The following CLHC1 variants were observed in gnomAD, a reference collection of about 807,000 sequenced individuals.
CLHC1 encodes the protein clathrin heavy chain linker domain-containing protein 1.
A neutral mutation model predicts 69.5 loss-of-function variants in CLHC1; 72 were observed. The ratio of observed to expected loss-of-function variants is 1.04; its 90% CI spans 0.86 to 1.26. The LOEUF (loss-of-function observed/expected upper bound fraction) is 1.26. Among genes scored for constraint, CLHC1 ranks in the 50% most tolerant of loss-of-function variants. The pLI, the probability that CLHC1 is intolerant of heterozygous loss-of-function variation, is 0.00. For missense variants in CLHC1, 790 were observed against 679.3 expected (o/e 1.16, Z -1.81); for synonymous variants, 223 against 224.3 (o/e 0.99, Z 0.05).
At chr2:55,184,769 G>C (rs1444549028) in intron 9 of CLHC1, among the ~76,000 whole-genome samples, 1 of 151,952 alleles carries the variant, frequency 6.6e-6, no homozygotes, top group African/African-American at 2.4e-5. Context: ...GCCAGGTGTG[G>C]TGGCACCTGC....
chr2:55,202,768 G>A (rs964420296), intron 9 of CLHC1, among the ~76,000 whole-genome samples: 2 of 148,814 alleles, frequency 1.3e-5, no homozygotes, highest in African/African-American at 2.5e-5. Context: ...GCATGGTGGT[G>A]CACACCTGTT....
In CLHC1 at chr2:55,209,627, T is replaced by C. The variant is rs750906888; in HGVS notation, c.701+3A>G. 12 of 1,613,190 alleles carry C rather than the reference T, an allele frequency of 7.4e-6. No homozygotes were observed. Among genetic ancestry groups the C allele is most frequent in the East Asian group, 4.5e-5 (2 of 44,854 alleles). The stretch of plus-strand genomic sequence containing the variant: ...TTTAAAAACATATAATCAACTTCCA[T>C]ACCAAAACTGCAATTTTTTGTTCAG... On this transcript the variant is annotated splice_donor_region_variant and intron_variant, in intron 6 of 12. Coordinates refer to ENST00000401408, the MANE Select transcript of CLHC1 (RefSeq NM_152385.4).
chr2:55,231,527 G>T (rs143750154), intron 1 of CLHC1, among the ~76,000 whole-genome samples: 145 of 152,250 alleles, frequency 9.5e-4, no homozygotes, highest in African/African-American at 3.3e-3. Flanking sequence ...TAGAAAGGAG[G>T]AAAGACTGGA....
Position 55,216,832 on chromosome 2 carries a change from A to G in CLHC1, c.365+979T>C, listed in dbSNP as rs79092718. Among the ~76,000 whole-genome samples, 398 of 152,088 alleles carry G rather than the reference A, an allele frequency of 2.6e-3. 9 individuals are homozygous for G. In the East Asian group the frequency reaches 0.042, roughly 16 times the overall value. On this transcript the variant is annotated intron_variant, in intron 4 of 12. Coordinates refer to ENST00000401408, the MANE Select transcript of CLHC1 (RefSeq NM_152385.4). ...GCCACCCTGTGCGGACCCTCATTTT[A>G]TGATACAAAATGTGCTTTCAATTAT... is the stretch of plus-strand genomic sequence containing the variant.
chr2:55,222,234 C>T lies in CLHC1; in HGVS notation c.177+1G>A. ...TAATTGTCTTAAAAGCTTTATGATA[C>T]CTTATCAAAAACATTTCGGTATATG... On this transcript the variant is annotated splice_donor_variant, in intron 3 of 12. Transcript: ENST00000401408. LOFTEE classifies it high-confidence loss of function. 6.2e-7 allele frequency: 1 copy of T among 1,607,166 alleles called. No individual in the cohort carries two copies. The highest frequency in any genetic ancestry group is 8.5e-7 in the Non-Finnish European group (1 of 1,174,366).
intron 2 of CLHC1, among the ~76,000 whole-genome samples, chr2:55,226,711 A>G (rs1359707473): frequency 1.3e-5 from 2 of 152,230 alleles, no homozygotes; most frequent in African/African-American, 4.8e-5. Flanking sequence ...AGCTCACTGC[A>G]ACCTTCACTT....
rs1406642536 is a variant in CLHC1, at chr2:55,217,889, T to C, written c.287A>G (p.His96Arg). ...KKDRRTTFCL[H>R]GKLKGLAAEP... is the part of the protein sequence containing the mutation. Reference sequence around the variant, plus strand: ...TGCTGCCAAACCTTTAAGTTTTCCATGAAGACAAAATGTAGTTCTTCGGTC... The same window carrying C: ...TGCTGCCAAACCTTTAAGTTTTCCACGAAGACAAAATGTAGTTCTTCGGTC... The change falls in exon 4 of 13, where the codon CAT becomes CGT. Residue 96 changes from histidine to arginine, a missense_variant. Coordinates refer to ENST00000401408, the MANE Select transcript of CLHC1 (RefSeq NM_152385.4). 6 of 1,607,224 alleles carry C rather than the reference T, an allele frequency of 3.7e-6. No homozygotes were observed. Among genetic ancestry groups the C allele is most frequent in the African/African-American group, 1.3e-5 (1 of 74,470 alleles).
At chr2:55,183,489 G>A (rs1343932406) in intron 9 of CLHC1, among the ~76,000 whole-genome samples, 4 of 152,186 alleles carry the variant, frequency 2.6e-5, no homozygotes, top group Non-Finnish European at 5.9e-5. Context: ...ATAGATCAAA[G>A]CTTGGTAAAA....
chr2:55,224,342 C>G (rs1243760614), intron 2 of CLHC1: 2 of 456,166 alleles, frequency 4.4e-6, no homozygotes, highest in South Asian at 3.3e-5. Flanking sequence ...CACGCCTTGA[C>G]AGCTCCCTCC....
rs938978099 is a variant in CLHC1 at position 55,205,378 on chromosome 2, A to G, written c.1006+892T>C. ...AGAGAATCAACCTAAGTGTCCATCA[A>G]GGGATGATTGGATAAAGAAAATACA... is the stretch of plus-strand genomic sequence containing the variant. On this transcript the variant is annotated intron_variant, in intron 9 of 12. Transcript: ENST00000401408. Among the ~76,000 whole-genome samples the G allele has an allele frequency of 2.0e-5, 3 of 150,922 alleles. No homozygotes were observed. The South Asian group carries it at 6.3e-4, about 32-fold the overall frequency.
chr2:55,206,254 A>C lies in CLHC1; in HGVS notation c.1006+16T>G. 1.4e-6 allele frequency: 2 copies of C among 1,416,536 alleles called. No homozygotes were observed. Among genetic ancestry groups the C allele is most frequent in the Non-Finnish European group, 1.0e-6 (1 of 1,002,546 alleles). 87.7% of individuals were successfully genotyped at this position (1,416,536 alleles called of 1,614,324 possible). A position where few individuals can be genotyped will look rare whatever the true frequency, so the allele number is the denominator to read the frequency against. ...AAATTTTCATACATATATAAGGTTC[A>C]GAGAGAAATGCTTACCCTTAAATGT... On this transcript the variant is annotated intron_variant, in intron 9 of 12. Coordinates refer to ENST00000401408, the MANE Select transcript of CLHC1 (RefSeq NM_152385.4).
intron 3 of CLHC1, among the ~76,000 whole-genome samples, chr2:55,220,833 A>G (rs1674041493): frequency 6.6e-6 from 1 of 152,218 alleles, no homozygotes; most frequent in African/African-American, 2.4e-5. Context: ...TTATTTAAAC[A>G]TTCATTCAAT....
At chr2:55,200,018 G>A (rs1457667734) in intron 9 of CLHC1, among the ~76,000 whole-genome samples, 1 of 152,046 alleles carries the variant, frequency 6.6e-6, no homozygotes, top group Non-Finnish European at 1.5e-5. Flanking sequence ...GAACCCAGGA[G>A]TTCAAGATCA....
intron 9 of CLHC1, among the ~76,000 whole-genome samples, chr2:55,204,129 A>G (rs1475905413): frequency 6.6e-6 from 1 of 152,134 alleles, no homozygotes; most frequent in Non-Finnish European, 1.5e-5. Flanking sequence ...TTCTAAAAAT[A>G]CAAAATTAGC....
rs547952674 is a variant in CLHC1, at chr2:55,174,435, T to C, written c.*1355A>G. On this transcript the variant is annotated 3_prime_UTR_variant, in exon 13 of 13. Coordinates refer to ENST00000401408, the MANE Select transcript of CLHC1 (RefSeq NM_152385.4). ...ATATAAATACAAATGAGTAGACATATGGGATTTAGTAAGTACAAACTAAGT... is the reference window on the plus strand; with the variant it reads ...ATATAAATACAAATGAGTAGACATACGGGATTTAGTAAGTACAAACTAAGT... 2.2e-4 allele frequency among the ~76,000 whole-genome samples: 33 copies of C among 152,296 alleles called. No homozygotes were observed. Among genetic ancestry groups the C allele is most frequent in the Non-Finnish European group, 3.8e-4 (26 of 68,022 alleles).
chr2:55,187,005 G>A (rs1014869007), intron 9 of CLHC1, among the ~76,000 whole-genome samples: 1 of 151,844 alleles, frequency 6.6e-6, no homozygotes, highest in Non-Finnish European at 1.5e-5. Context: ...GGTGGCTCAG[G>A]CCTGTAATCC....
At chr2:55,204,105 T>C (rs1384515312) in intron 9 of CLHC1, among the ~76,000 whole-genome samples, 1 of 152,106 alleles carries the variant, frequency 6.6e-6, no homozygotes, top group Non-Finnish European at 1.5e-5. Context: ...ACCAACATGA[T>C]GAAACCCCAT....
At chr2:55,229,932 G>C (rs1248501693) in intron 1 of CLHC1, among the ~76,000 whole-genome samples, 1 of 152,206 alleles carries the variant, frequency 6.6e-6, no homozygotes, top group East Asian at 1.9e-4. Context: ...AATTAGCTGG[G>C]CGTGGTGGCG....
At chr2:55,183,006 T>G (rs1219203141) in intron 9 of CLHC1, among the ~76,000 whole-genome samples, 1 of 152,174 alleles carries the variant, frequency 6.6e-6, no homozygotes, top group Non-Finnish European at 1.5e-5. Context: ...ATTGGGCATC[T>G]ACCACACCCA....
Sources: gnomAD v4.1 joint callset for allele counts (sites outside exome capture counted in the v4.1 genomes callset) on GRCh38, gnomAD v4.1.1 for gene constraint, MANE v1.5 for transcripts, NCBI Gene and HGNC (gene_info 2026-07-23, HGNC 2026-07-21) for gene names.